Variants in DCC observed in about 807,000 individuals in gnomAD.
The protein encoded by DCC is DCC netrin 1 receptor, also known as netrin receptor DCC.
Under a neutral mutation model 172.5 loss-of-function variants are expected in DCC, and 58 were observed. The ratio of observed to expected loss-of-function variants is 0.34; its 90% confidence interval spans 0.27 to 0.42. The LOEUF (loss-of-function observed/expected upper bound fraction) is 0.42, where lower values mean the gene tolerates loss of function less well. Ranked by LOEUF, DCC falls within the 10% of genes least tolerant of loss-of-function variation. The pLI, the probability that DCC is intolerant of heterozygous loss-of-function variation, is 1.00. For missense variants in DCC, 1,740 were observed against 1,791.0 expected (o/e 0.97, Z 0.51); for synonymous variants, 709 against 644.5 (o/e 1.10, Z -1.52).
At chr18:52,855,310 C>G (rs959717644) in intron 2 of DCC, among the ~76,000 whole-genome samples, 2 of 152,206 alleles carry the variant, frequency 1.3e-5, no homozygotes, top group African/African-American at 4.8e-5. Context: ...CGGAGTAAGA[C>G]TTAGGGTAAA....
chr18:53,266,196 T>A (rs1158275235), intron 12 of DCC, among the ~76,000 whole-genome samples: 1 of 152,210 alleles, frequency 6.6e-6, no homozygotes, highest in Non-Finnish European at 1.5e-5. Context: ...TTTCTCATTA[T>A]CTTGTTTCTT....
At chr18:53,256,691 G>C (rs2056521830) in intron 12 of DCC, among the ~76,000 whole-genome samples, 1 of 152,152 alleles carries the variant, frequency 6.6e-6, no homozygotes, top group African/African-American at 2.4e-5. Flanking sequence ...ACTTGGCAAT[G>C]CGGACTCTTT....
chr18:53,410,861 T>G (rs1346027258), intron 20 of DCC, among the ~76,000 whole-genome samples: 1 of 146,808 alleles, frequency 6.8e-6, no homozygotes, highest in Non-Finnish European at 1.5e-5. Flanking sequence ...TAACATGACT[T>G]TTTTCATTTA....
intron 1 of DCC, among the ~76,000 whole-genome samples, chr18:52,404,937 T>A (rs1481352144): frequency 6.6e-6 from 1 of 151,544 alleles, no homozygotes; most frequent in Non-Finnish European, 1.5e-5. Context: ...CTTGTGACAG[T>A]TTACTGAGAA....
chr18:53,277,504 T>C (rs564215957), intron 12 of DCC, among the ~76,000 whole-genome samples: 15 of 152,184 alleles, frequency 9.9e-5, no homozygotes, highest in Non-Finnish European at 2.2e-4. Context: ...TTGGCAAAAT[T>C]AGAAGATCTT....
At chr18:53,216,669 G>T (rs1020045082) in intron 12 of DCC, among the ~76,000 whole-genome samples, 7 of 152,132 alleles carry the variant, frequency 4.6e-5, no homozygotes, top group African/African-American at 1.4e-4. Context: ...CATATCTTGT[G>T]ATGTTAATTG....
chr18:52,739,671 TA>T (rs1424155134), intron 1 of DCC, among the ~76,000 whole-genome samples: 3 of 152,220 alleles, frequency 2.0e-5, no homozygotes, highest in African/African-American at 7.2e-5. Flanking sequence ...CTCTTTGGCT[TA>T]AAATGTATCA....
At chr18:53,186,425 C>T (rs749668824) in intron 9 of DCC, among the ~76,000 whole-genome samples, 3 of 152,076 alleles carry the variant, frequency 2.0e-5, no homozygotes, top group Non-Finnish European at 4.4e-5. Flanking sequence ...TGAACATCTT[C>T]GGGGATATTG....
chr18:52,556,909 G>A (rs1003206180), intron 1 of DCC, among the ~76,000 whole-genome samples: 1 of 152,164 alleles, frequency 6.6e-6, no homozygotes, highest in Non-Finnish European at 1.5e-5. Context: ...GCAAAGTCAA[G>A]AACCTGAACT....
At chr18:52,601,076 A>T (rs2034007916) in intron 1 of DCC, among the ~76,000 whole-genome samples, 2 of 152,264 alleles carry the variant, frequency 1.3e-5, no homozygotes, top group South Asian at 4.1e-4. Flanking sequence ...ATAATAAAAA[A>T]GCCCAGAAAT....
intron 12 of DCC, among the ~76,000 whole-genome samples, chr18:53,287,620 C>T (rs1193567918): frequency 2.0e-5 from 3 of 152,118 alleles, no homozygotes; most frequent in Non-Finnish European, 2.9e-5. Context: ...TTTACGTTCC[C>T]ACCAGCCAGT....
At chr18:52,887,024 T>C (rs2039580131) in intron 2 of DCC, among the ~76,000 whole-genome samples, 1 of 152,196 alleles carries the variant, frequency 6.6e-6, no homozygotes, top group African/African-American at 2.4e-5. Flanking sequence ...CCTCCTAGGC[T>C]CTTCTAGGGT....
At chr18:53,105,651 G>T (rs1290195334) in intron 7 of DCC, among the ~76,000 whole-genome samples, 1 of 151,820 alleles carries the variant, frequency 6.6e-6, no homozygotes, top group Non-Finnish European at 1.5e-5. Context: ...ACCATGACGA[G>T]CTGTTCACAT....
At chr18:53,501,794 G>C (rs1018170929) in intron 27 of DCC, among the ~76,000 whole-genome samples, 1 of 152,154 alleles carries the variant, frequency 6.6e-6, no homozygotes, top group Non-Finnish European at 1.5e-5. Context: ...GTCAACCTAT[G>C]CTCTGAAGTG....
At chr18:52,839,390 T>G (rs1008382808) in intron 2 of DCC, among the ~76,000 whole-genome samples, 2 of 152,152 alleles carry the variant, frequency 1.3e-5, no homozygotes, top group Non-Finnish European at 2.9e-5. Flanking sequence ...TAAGGTGATC[T>G]TTGTCTCACT....
At chr18:52,656,294 C>G (rs902818390) in intron 1 of DCC, among the ~76,000 whole-genome samples, 1 of 151,802 alleles carries the variant, frequency 6.6e-6, no homozygotes, top group Non-Finnish European at 1.5e-5. Context: ...GCCCTTATAG[C>G]AGAGACCTCA....
At chr18:53,009,309 A>G (rs553683559) in intron 5 of DCC, among the ~76,000 whole-genome samples, 4 of 152,106 alleles carry the variant, frequency 2.6e-5, no homozygotes, top group Admixed American at 6.6e-5. Context: ...AGATGGATAT[A>G]ACATAATAAA....
intron 26 of DCC, among the ~76,000 whole-genome samples, chr18:53,489,597 A>T (rs1818785067): frequency 6.6e-6 from 1 of 152,174 alleles, no homozygotes; most frequent in Admixed American, 6.5e-5. Context: ...TGACTTTGCC[A>T]AGGTGGAAAC....
At chr18:52,787,777 G>C (rs948277662) in intron 2 of DCC, among the ~76,000 whole-genome samples, 1 of 151,992 alleles carries the variant, frequency 6.6e-6, no homozygotes, top group African/African-American at 2.4e-5. Context: ...TAGAATCCCA[G>C]ATTACCATAA....
Sources: gnomAD v4.1 joint callset for allele counts (sites outside exome capture counted in the v4.1 genomes callset) on GRCh38, gnomAD v4.1.1 for gene constraint, MANE v1.5 for transcripts, NCBI Gene and HGNC (gene_info 2026-07-23, HGNC 2026-07-21) for gene names.